The following KDM4C variants were observed in gnomAD, a reference collection of about 807,000 sequenced individuals.
The protein encoded by KDM4C is lysine demethylase 4C.
A neutral mutation model predicts 129.3 loss-of-function variants in KDM4C; 81 were observed. That is an observed-to-expected ratio of 0.63 (90% CI 0.52 to 0.75). The LOEUF is 0.75. KDM4C is among the 30% of genes least tolerant of loss of function. The pLI, the probability that KDM4C is intolerant of heterozygous loss-of-function variation, is 0.00. For synonymous variants in KDM4C, 573 were observed against 456.1 expected (o/e 1.26, Z -3.26); for missense variants, 1,457 against 1,304.0 (o/e 1.12, Z -1.81).
At chr9:6,869,841 A>C (rs950231405) in intron 5 of KDM4C, among the ~76,000 whole-genome samples, 2 of 152,244 alleles carry the variant, frequency 1.3e-5, no homozygotes, top group Non-Finnish European at 2.9e-5. Flanking sequence ...CCTCACGTTC[A>C]TCTGTTTTTA....
chr9:7,053,758 G>T (rs1197564391), intron 17 of KDM4C, among the ~76,000 whole-genome samples: 1 of 152,062 alleles, frequency 6.6e-6, no homozygotes, highest in African/African-American at 2.4e-5. Flanking sequence ...TTTCACTTTT[G>T]TGTAATTATT....
In KDM4C at chr9:6,736,277, A is replaced by T. The variant is rs147282309; in HGVS notation, c.49+15280A>T. On this transcript the variant is annotated intron_variant, in intron 1 of 17. Transcript: ENST00000536108. Reference sequence around the variant, plus strand: ...CATTTTCTGAGGAGAAACTCAATCCAGATGCAGAAATTTGCATAAGTAATG... The same window carrying T: ...CATTTTCTGAGGAGAAACTCAATCCTGATGCAGAAATTTGCATAAGTAATG... Among the ~76,000 whole-genome samples, 49 of 152,356 alleles carry T rather than the reference A, an allele frequency of 3.2e-4. 1 individual carries two copies. The highest frequency in any genetic ancestry group is 1.1e-3 in the African/African-American group (44 of 41,588).
At chr9:7,025,921 C>T (rs1417314370) in intron 15 of KDM4C, among the ~76,000 whole-genome samples, 1 of 152,114 alleles carries the variant, frequency 6.6e-6, no homozygotes, top group African/African-American at 2.4e-5. Context: ...GAAAAACTCC[C>T]AGGCTGGACA....
intron 3 of KDM4C, among the ~76,000 whole-genome samples, chr9:6,812,158 A>T (rs1831269945): frequency 6.6e-6 from 1 of 151,168 alleles, no homozygotes; most frequent in Non-Finnish European, 1.5e-5. Context: ...AATCCCTTGA[A>T]CCCAGGAGGC....
intron 1 of KDM4C, among the ~76,000 whole-genome samples, chr9:6,783,081 C>A (rs540777800): frequency 6.6e-6 from 1 of 152,236 alleles, no homozygotes; most frequent in East Asian, 1.9e-4. Flanking sequence ...GTAGGAGATG[C>A]TTTCACTTTT....
At chr9:6,931,141 A>G (rs1823657697) in intron 8 of KDM4C, among the ~76,000 whole-genome samples, 1 of 146,842 alleles carries the variant, frequency 6.8e-6, no homozygotes, top group African/African-American at 2.5e-5. Context: ...ACACAAACAC[A>G]CTTTATGTCT....
rs189907424 is a variant in KDM4C at position 6,872,838 on chromosome 9, T to C, written c.630-7174T>C. On this transcript the variant is annotated intron_variant, in intron 5 of 21. Transcript: ENST00000381309. ...AGTATAATTCTTAAGGGTCCTATGATTTTTAGAATGGTAAATGAACATTGG... is the reference window on the plus strand; with the variant it reads ...AGTATAATTCTTAAGGGTCCTATGACTTTTAGAATGGTAAATGAACATTGG... Among the ~76,000 whole-genome samples the C allele has an allele frequency of 2.0e-5, 3 of 152,314 alleles. No individual in the cohort carries two copies. The East Asian group carries it at 5.8e-4, about 29-fold the overall frequency.
At chr9:6,945,187 C>G (rs755847585) in intron 8 of KDM4C, among the ~76,000 whole-genome samples, 2 of 152,160 alleles carry the variant, frequency 1.3e-5, no homozygotes, top group African/African-American at 2.4e-5. Flanking sequence ...AATGCTTACA[C>G]ACAAGGAAGC....
chr9:7,000,273 C>G (rs770181978), intron 12 of KDM4C, among the ~76,000 whole-genome samples: 2 of 152,110 alleles, frequency 1.3e-5, no homozygotes, highest in Non-Finnish European at 2.9e-5. Context: ...ATGCTAGTGG[C>G]TTGGTCAGGT....
At chr9:6,893,301 G>A (rs761636418) in intron 8 of KDM4C, 69 bp downstream of exon 8, 3 of 1,279,562 alleles carry the variant, frequency 2.3e-6, no homozygotes, top group African/African-American at 3.0e-5. Flanking sequence ...GGAACCCTAC[G>A]ATCCTGTGCA....
At chr9:7,070,252 T>C (rs1833009037) in intron 17 of KDM4C, among the ~76,000 whole-genome samples, 1 of 152,234 alleles carries the variant, frequency 6.6e-6, no homozygotes, top group Non-Finnish European at 1.5e-5. Context: ...AGAATAAAAC[T>C]GCAGGCCCAG....
chr9:7,155,003 C>G (rs1231893812), intron 19 of KDM4C, among the ~76,000 whole-genome samples: 1 of 152,232 alleles, frequency 6.6e-6, no homozygotes, highest in African/African-American at 2.4e-5. Context: ...AAGGTGTTTA[C>G]TTACTCCAGT....
At chr9:6,780,014 C>G (rs1318790543) in intron 1 of KDM4C, among the ~76,000 whole-genome samples, 1 of 152,198 alleles carries the variant, frequency 6.6e-6, no homozygotes, top group Non-Finnish European at 1.5e-5. Context: ...CTTAATCTTA[C>G]TGGCCTACTA....
chr9:6,867,382 G>A (rs1425247164), intron 5 of KDM4C, among the ~76,000 whole-genome samples: 1 of 152,084 alleles, frequency 6.6e-6, no homozygotes, highest in Admixed American at 6.6e-5. Flanking sequence ...TGCTTCTATA[G>A]CACCATTTTG....
intron 17 of KDM4C, among the ~76,000 whole-genome samples, chr9:7,079,876 C>T (rs142726521): frequency 3.9e-4 from 60 of 152,162 alleles, no homozygotes; most frequent in African/African-American, 1.3e-3. Flanking sequence ...GCTTGATCTG[C>T]ATGAGAGTGA....
At chr9:7,010,764 C>G (rs544294004) in intron 12 of KDM4C, among the ~76,000 whole-genome samples, 1 of 152,144 alleles carries the variant, frequency 6.6e-6, no homozygotes, top group African/African-American at 2.4e-5. Flanking sequence ...ACATTTTAGA[C>G]CAGGCTCAGT....
At chr9:7,132,860 C>T (rs1840795006) in intron 19 of KDM4C, among the ~76,000 whole-genome samples, 1 of 152,190 alleles carries the variant, frequency 6.6e-6, no homozygotes, top group Non-Finnish European at 1.5e-5. Context: ...ACATTCACCA[C>T]TGGGCATGAG....
At chr9:7,004,413 T>C (rs1019038276) in intron 12 of KDM4C, among the ~76,000 whole-genome samples, 1 of 152,208 alleles carries the variant, frequency 6.6e-6, no homozygotes, top group South Asian at 2.1e-4. Flanking sequence ...ATTCCAGACA[T>C]TTAACCTTTT....
intron 8 of KDM4C, among the ~76,000 whole-genome samples, chr9:6,908,644 T>G (rs1818750419): frequency 6.6e-6 from 1 of 151,030 alleles, no homozygotes; most frequent in Non-Finnish European, 1.5e-5. Context: ...AGCACTGACT[T>G]AGCAAAGAGG....
Sources: allele counts gnomAD v4.1 joint callset (sites outside exome capture counted in the v4.1 genomes callset), GRCh38; gene constraint gnomAD v4.1.1; transcripts MANE v1.5; gene names NCBI Gene and HGNC (gene_info 2026-07-23, HGNC 2026-07-21).